The following TMEM135 variants were observed in gnomAD, a reference collection of about 807,000 sequenced individuals.
The protein encoded by TMEM135 is peroxisomal membrane protein 52.
TMEM135 carries 30 observed loss-of-function variants against 60.3 expected under a neutral mutation model. The ratio of observed to expected loss-of-function variants is 0.50; its 90% CI spans 0.37 to 0.68. The LOEUF is 0.68. Among genes scored for constraint, TMEM135 ranks in the 30% least tolerant of loss-of-function variants. The pLI is 0.00. For synonymous variants in TMEM135, 190 were observed against 186.7 expected (o/e 1.02, Z -0.14); for missense variants, 468 against 548.8 (o/e 0.85, Z 1.47).
chr11:87,064,331 G>C (rs960596545), intron 1 of TMEM135, among the ~76,000 whole-genome samples: 1 of 149,132 alleles, frequency 6.7e-6, no homozygotes, highest in Non-Finnish European at 1.5e-5. Context: ...ACATGCAGTT[G>C]TAAGAAGTAC....
At position 87,325,750 on chromosome 11, in the gene TMEM135, A is replaced by G. The variant is rs7936130; in HGVS notation, c.*4417A>G. ...TTTCTTAGGCAGGATGATGTAGAAG[A>G]TAATTGCACAGATATGGAAGGAGAT... On this transcript the variant is annotated 3_prime_UTR_variant, in exon 15 of 15. Coordinates refer to ENST00000305494, the MANE Select transcript of TMEM135 (RefSeq NM_022918.4). 65,260 of 453,814 alleles carry G rather than the reference A, an allele frequency of 0.14. 5,057 individuals are homozygous for G. Among genetic ancestry groups the G allele is most frequent in the African/African-American group, 0.21 (10,281 of 50,000 alleles). The allele number at this position is 453,814 out of a possible 1,614,324, so 28.1% of individuals were successfully genotyped here. A position where few individuals can be genotyped will look rare whatever the true frequency, so the allele number is the denominator to read the frequency against.
intron 4 of TMEM135, among the ~76,000 whole-genome samples, chr11:87,102,724 A>ATG (rs1565441788): frequency 0.019 from 1,795 of 94,750 alleles, 37 homozygotes; most frequent in African/African-American, 0.068. Context: ...GTATATATAT[A>ATG]TATGTATATA....
chr11:87,139,899 GA>G (rs1207849611), intron 4 of TMEM135, among the ~76,000 whole-genome samples: 2 of 152,010 alleles, frequency 1.3e-5, no homozygotes, highest in African/African-American at 4.8e-5. Context: ...GATATATGTA[GA>G]TTTTTTTGTT....
intron 5 of TMEM135, among the ~76,000 whole-genome samples, chr11:87,190,790 A>C (rs1261086471): frequency 1.3e-5 from 2 of 152,164 alleles, no homozygotes; most frequent in Non-Finnish European, 2.9e-5. Context: ...TTATTTTTGC[A>C]ATAGATATTT....
At chr11:87,274,589 G>C (rs1474549811) in intron 6 of TMEM135, among the ~76,000 whole-genome samples, 4 of 152,116 alleles carry the variant, frequency 2.6e-5, no homozygotes, top group Admixed American at 2.6e-4. Context: ...ATACTTAGTA[G>C]GAGTGAATGA....
intron 5 of TMEM135, among the ~76,000 whole-genome samples, chr11:87,181,087 A>T (rs1939502356): frequency 6.6e-6 from 1 of 152,226 alleles, no homozygotes; most frequent in Non-Finnish European, 1.5e-5. Context: ...AGTGAACAGA[A>T]AGAATGAAGT....
intron 6 of TMEM135, among the ~76,000 whole-genome samples, chr11:87,283,546 T>G (rs1185282930): frequency 2.0e-5 from 3 of 152,126 alleles, no homozygotes; most frequent in African/African-American, 7.2e-5. Flanking sequence ...CTGACATATA[T>G]GCCAATATGC....
chr11:87,258,715 G>T, intron 6 of TMEM135: 1 of 390,416 alleles, frequency 2.6e-6, no homozygotes, highest in Non-Finnish European at 4.9e-6. Flanking sequence ...AGACAATGTG[G>T]GGAGATTTCT....
chr11:87,227,084 C>G (rs1169724107), intron 5 of TMEM135, among the ~76,000 whole-genome samples: 1 of 151,798 alleles, frequency 6.6e-6, no homozygotes, highest in Non-Finnish European at 1.5e-5. Flanking sequence ...AACACAATGG[C>G]CAATAGTGCA....
intron 8 of TMEM135, among the ~76,000 whole-genome samples, chr11:87,303,439 G>T (rs968576946): frequency 1.3e-5 from 2 of 152,196 alleles, no homozygotes; most frequent in African/African-American, 4.8e-5. Context: ...ATAGGAAGCT[G>T]AGGTCCTTTA....
chr11:87,193,845 A>T (rs976948248), intron 5 of TMEM135, among the ~76,000 whole-genome samples: 1 of 150,230 alleles, frequency 6.7e-6, no homozygotes, highest in Admixed American at 6.7e-5. Flanking sequence ...GAATTTTTTA[A>T]TAGGCCTATG....
intron 5 of TMEM135, among the ~76,000 whole-genome samples, chr11:87,164,259 C>T (rs1938974713): frequency 4.4e-5 from 5 of 114,802 alleles, no homozygotes; most frequent in Non-Finnish European, 8.6e-5. Flanking sequence ...CTACATATGG[C>T]TAGCCAGTTT....
chr11:87,283,946 T>C (rs552301247), intron 6 of TMEM135, among the ~76,000 whole-genome samples: 1 of 143,772 alleles, frequency 7.0e-6, no homozygotes, highest in East Asian at 1.9e-4. Flanking sequence ...ACTATGTTTG[T>C]AGAAGGGAAA....
At chr11:87,190,853 G>A (rs1939782659) in intron 5 of TMEM135, among the ~76,000 whole-genome samples, 1 of 152,120 alleles carries the variant, frequency 6.6e-6, no homozygotes, top group Non-Finnish European at 1.5e-5. Context: ...TATATTCACA[G>A]ACAATATACT....
chr11:87,198,748 G>A (rs1218132664), intron 5 of TMEM135, among the ~76,000 whole-genome samples: 2 of 149,384 alleles, frequency 1.3e-5, no homozygotes, highest in African/African-American at 2.5e-5. Context: ...GATTCAACAT[G>A]TACCATGTAA....
chr11:87,227,834 C>G lies in TMEM135; in HGVS notation c.463-8804C>G, dbSNP rs952204061. On this transcript the variant is annotated intron_variant, in intron 5 of 14. Coordinates refer to ENST00000305494, the MANE Select transcript of TMEM135 (RefSeq NM_022918.4). ...AAAAGTTGAAGATGCTTAGCAGAGT[C>G]TAAAGTTTAGTCTTTTAAAAAAGTA... Among the ~76,000 whole-genome samples the G allele has an allele frequency of 1.8e-4, 27 of 152,074 alleles. 1 individual carries two copies. The highest frequency in any genetic ancestry group is 1.0e-3 in the South Asian group (5 of 4,826).
intron 4 of TMEM135, among the ~76,000 whole-genome samples, chr11:87,109,433 G>C (rs541552359): frequency 6.6e-6 from 1 of 152,238 alleles, no homozygotes; most frequent in Admixed American, 6.5e-5. Context: ...ATGTGAATGT[G>C]GTATCTCTGT....
At chr11:87,231,729 A>G (rs1940892396) in intron 5 of TMEM135, among the ~76,000 whole-genome samples, 1 of 152,164 alleles carries the variant, frequency 6.6e-6, no homozygotes, top group South Asian at 2.1e-4. Flanking sequence ...AAAGACATTA[A>G]AAAGAGTTAT....
intron 4 of TMEM135, among the ~76,000 whole-genome samples, chr11:87,118,719 G>A (rs1017602045): frequency 1.3e-5 from 2 of 152,112 alleles, no homozygotes; most frequent in Admixed American, 6.5e-5. Flanking sequence ...TGGGATTACA[G>A]GCGTGAGCCA....
Sources: allele counts gnomAD v4.1 joint callset (sites outside exome capture counted in the v4.1 genomes callset), GRCh38; gene constraint gnomAD v4.1.1; transcripts MANE v1.5; gene names NCBI Gene and HGNC (gene_info 2026-07-23, HGNC 2026-07-21).